ARL15: variants seen among roughly 807,000 people sequenced by gnomAD.
The protein encoded by ARL15 is ADP-ribosylation factor-like protein 15.
ARL15 carries 19 observed loss-of-function variants against 25.2 expected under a neutral mutation model. The ratio of observed to expected loss-of-function variants is 0.75; its 90% CI spans 0.53 to 1.10. The LOEUF (loss-of-function observed/expected upper bound fraction) is 1.10, where lower values mean the gene tolerates loss of function less well. Ranked by LOEUF, ARL15 falls within the 50% of genes least tolerant of loss-of-function variation. ARL15 has a pLI of 0.00. For synonymous variants in ARL15, 94 were observed against 86.8 expected, an observed-to-expected ratio of 1.08 and a Z score of -0.46; for missense variants, 220 against 246.0, an observed-to-expected ratio of 0.89 and a Z score of 0.71.
At chr5:53,939,334 C>T (rs892635501) in intron 4 of ARL15, among the ~76,000 whole-genome samples, 5 of 152,158 alleles carry the variant, frequency 3.3e-5, no homozygotes, top group Non-Finnish European at 7.3e-5. Context: ...TTTCAGTTTC[C>T]ATTTTACTGA....
chr5:53,895,063 G>A (rs936688194), intron 4 of ARL15, among the ~76,000 whole-genome samples: 1 of 152,120 alleles, frequency 6.6e-6, no homozygotes, highest in Non-Finnish European at 1.5e-5. Flanking sequence ...GTCCCACACG[G>A]CCTAGAATAT....
chr5:54,224,317 C>T (rs1362266006), intron 1 of ARL15, among the ~76,000 whole-genome samples: 2 of 152,032 alleles, frequency 1.3e-5, no homozygotes, highest in African/African-American at 4.8e-5. Context: ...AGGCAGATGG[C>T]ATCACAACTG....
chr5:53,966,376 A>G (rs1320519447), intron 4 of ARL15, among the ~76,000 whole-genome samples: 1 of 152,158 alleles, frequency 6.6e-6, no homozygotes, highest in African/African-American at 2.4e-5. Flanking sequence ...CTTCATCCGT[A>G]TCCTTTGTAA....
rs543339078 is a variant in ARL15 at position 54,223,123 on chromosome 5, C to T, written c.49-51195G>A. 5.9e-5 allele frequency among the ~76,000 whole-genome samples: 9 copies of T among 151,692 alleles called. No individual in the cohort carries two copies. In the South Asian group the frequency reaches 1.0e-3, roughly 18 times the overall value. ...GTCAAACTGGGCCTTAAAATTATCA[C>T]GCATCATGTTATTAAAAGGCAGTGA... On this transcript the variant is annotated intron_variant, in intron 1 of 4. Coordinates refer to ENST00000504924, the MANE Select transcript of ARL15 (RefSeq NM_019087.3).
At chr5:54,245,515 T>C (rs2112585160) in intron 1 of ARL15, among the ~76,000 whole-genome samples, 1 of 152,286 alleles carries the variant, frequency 6.6e-6, no homozygotes, top group African/African-American at 2.4e-5. Flanking sequence ...GCTGACTGGC[T>C]ATGATGTAAC....
intron 1 of ARL15, among the ~76,000 whole-genome samples, chr5:54,189,093 C>T (rs532235037): frequency 6.6e-5 from 10 of 152,002 alleles, no homozygotes; most frequent in Admixed American, 2.0e-4. Context: ...GAATAAGACA[C>T]TTAAGAACTA....
intron 4 of ARL15, among the ~76,000 whole-genome samples, chr5:54,037,257 T>A (rs577955393): frequency 1.5e-3 from 225 of 152,136 alleles, no homozygotes; most frequent in African/African-American, 5.3e-3. Context: ...CTTAAAAAAT[T>A]AATAAACATT....
intron 1 of ARL15, among the ~76,000 whole-genome samples, chr5:54,227,912 G>T (rs1384653883): frequency 6.6e-6 from 1 of 152,150 alleles, no homozygotes; most frequent in Non-Finnish European, 1.5e-5. Context: ...ATTTTCTACA[G>T]AGTAACACCT....
At chr5:54,290,359 G>A (rs1373832738) in intron 1 of ARL15, among the ~76,000 whole-genome samples, 2 of 150,000 alleles carry the variant, frequency 1.3e-5, no homozygotes, top group African/African-American at 4.9e-5. Context: ...CTGGAGGGCA[G>A]TGGCACGATC....
intron 4 of ARL15, among the ~76,000 whole-genome samples, chr5:54,058,273 T>C (rs1750951519): frequency 6.6e-6 from 1 of 152,180 alleles, no homozygotes; most frequent in African/African-American, 2.4e-5. Context: ...CCCAAAGTGC[T>C]GGGATTACAG....
intron 4 of ARL15, among the ~76,000 whole-genome samples, chr5:53,896,958 A>G (rs1744893015): frequency 6.6e-6 from 1 of 152,012 alleles, no homozygotes; most frequent in African/African-American, 2.4e-5. Context: ...TTCACTGTCT[A>G]CTCACACAGA....
chr5:53,953,099 T>A (rs1272587082), intron 4 of ARL15, among the ~76,000 whole-genome samples: 1 of 152,200 alleles, frequency 6.6e-6, no homozygotes. Context: ...ACAATGTTTA[T>A]AAATATTTAT....
At chr5:54,219,558 A>C (rs1371180307) in intron 1 of ARL15, among the ~76,000 whole-genome samples, 1 of 152,168 alleles carries the variant, frequency 6.6e-6, no homozygotes, top group Non-Finnish European at 1.5e-5. Flanking sequence ...ATTACATACT[A>C]ATTAAATACA....
chr5:53,981,159 A>C (rs1748104657), intron 4 of ARL15, among the ~76,000 whole-genome samples: 1 of 152,200 alleles, frequency 6.6e-6, no homozygotes, highest in Non-Finnish European at 1.5e-5. Flanking sequence ...GAAACTGAAG[A>C]TATAATAACT....
chr5:54,310,203 C>T (rs1227227970), intron 1 of ARL15: 1 of 476,926 alleles, frequency 2.1e-6, no homozygotes, highest in African/African-American at 2.0e-5. Context: ...CCTCGCCCTG[C>T]AGCCGTGCTG....
intron 1 of ARL15, among the ~76,000 whole-genome samples, chr5:54,185,047 A>C (rs1250153215): frequency 6.6e-6 from 1 of 152,142 alleles, no homozygotes; most frequent in East Asian, 1.9e-4. Context: ...CTTTGCCTTC[A>C]TTTCTGGCAT....
chr5:54,000,102 C>A (rs896400539), intron 4 of ARL15, among the ~76,000 whole-genome samples: 1 of 152,076 alleles, frequency 6.6e-6, no homozygotes, highest in African/African-American at 2.4e-5. Flanking sequence ...AGAAAAGCTA[C>A]ACTGCAGACT....
intron 4 of ARL15, among the ~76,000 whole-genome samples, chr5:53,956,664 C>T: frequency 6.6e-6 from 1 of 151,428 alleles, no homozygotes; most frequent in Non-Finnish European, 1.5e-5. Flanking sequence ...TAGAGAATAT[C>T]AATAAAGAGA....
At chr5:54,131,399 TG>T (rs1316940613) in intron 3 of ARL15, among the ~76,000 whole-genome samples, 9 of 152,184 alleles carry the variant, frequency 5.9e-5, no homozygotes, top group South Asian at 4.1e-4. Flanking sequence ...CTCCTCCTCC[TG>T]GGGATCTACT....
Sources: gnomAD v4.1 joint callset for allele counts (sites outside exome capture counted in the v4.1 genomes callset) on GRCh38, gnomAD v4.1.1 for gene constraint, MANE v1.5 for transcripts, NCBI Gene and HGNC (gene_info 2026-07-23, HGNC 2026-07-21) for gene names.